The following KLF15 variants were observed in gnomAD, a reference collection of about 807,000 sequenced individuals.
KLF15 encodes the protein KLF transcription factor 15.
A neutral mutation model predicts 24.6 loss-of-function variants in KLF15; 4 were observed. That is an observed-to-expected ratio of 0.16 (90% CI 0.08 to 0.37). The LOEUF is 0.37. Ranked by LOEUF, KLF15 falls within the 10% of genes least tolerant of loss-of-function variation. KLF15 has a pLI of 1.00. For missense variants in KLF15, 496 were observed against 560.6 expected, an observed-to-expected ratio of 0.88 and a Z score of 1.16; for synonymous variants, 246 against 236.3, an observed-to-expected ratio of 1.04 and a Z score of -0.37.
chr3:126,313,069 T>G, the KLF15 span, among the ~76,000 whole-genome samples: 1 of 152,202 alleles, frequency 6.6e-6, no homozygotes, highest in Non-Finnish European at 1.5e-5. Context: ...GAATTAGGCC[T>G]TTAAACAGGC....
chr3:126,293,142 T>G, the KLF15 span, among the ~76,000 whole-genome samples: 2 of 87,294 alleles, frequency 2.3e-5, no homozygotes, highest in African/African-American at 4.4e-5. Flanking sequence ...AGACTGCATC[T>G]CTAAAAAAAA....
the KLF15 span, chr3:126,293,971 C>T: frequency 1.3e-5 from 2 of 152,342 alleles, no homozygotes; most frequent in Non-Finnish European, 2.9e-5. Context: ...CAGTGCCCTC[C>T]TCTGTTCCCA....
chr3:126,343,701 C>T lies in KLF15; in HGVS notation c.*26G>A, dbSNP rs1161456892. ...GGGATGGGGTGGGGATCCGGGGTGA[C>T]GGACAGGCTGGGGTTCAGGGCGCTT... On this transcript the variant is annotated 3_prime_UTR_variant, in exon 3 of 3. Coordinates refer to ENST00000296233, the MANE Select transcript of KLF15 (RefSeq NM_014079.4). The T allele has an allele frequency of 2.5e-6, 4 of 1,596,644 alleles. No homozygotes were observed. Among genetic ancestry groups the T allele is most frequent in the Non-Finnish European group, 3.4e-6 (4 of 1,174,190 alleles).
the KLF15 span, among the ~76,000 whole-genome samples, chr3:126,323,268 T>C: frequency 2.1e-4 from 31 of 148,984 alleles, no homozygotes; most frequent in African/African-American, 7.6e-4. Flanking sequence ...TCTCCATACA[T>C]GTTACATACA....
the KLF15 span, among the ~76,000 whole-genome samples, chr3:126,303,107 C>T: frequency 1.3e-5 from 2 of 152,166 alleles, no homozygotes; most frequent in Admixed American, 6.5e-5. Flanking sequence ...TGATATTATG[C>T]CCCTTTATTT....
chr3:126,356,797 GC>G lies in KLF15; in HGVS notation c.-26+439del, dbSNP rs562438682. On this transcript the variant is annotated intron_variant, in intron 1 of 2. Coordinates refer to ENST00000296233, the MANE Select transcript of KLF15 (RefSeq NM_014079.4). The surrounding 1 kb of genome is among the most constrained non-coding windows in gnomAD (Gnocchi z 4.4). ...GCTGGGCACCATGCCCTCGTCCCAC[GC>G]CCCCCCCTTGCCCCCGACACTGCTG... Among the ~76,000 whole-genome samples, 17 of 150,380 alleles carry G rather than the reference GC, an allele frequency of 1.1e-4. No individual in the cohort carries two copies. The highest frequency in any genetic ancestry group is 1.7e-4 in the African/African-American group (7 of 40,906).
the KLF15 span, among the ~76,000 whole-genome samples, chr3:126,304,780 T>C: frequency 6.6e-6 from 1 of 152,232 alleles, no homozygotes; most frequent in Non-Finnish European, 1.5e-5. Flanking sequence ...GAAACGGAAA[T>C]CTGAGAAATG....
the KLF15 span, among the ~76,000 whole-genome samples, chr3:126,314,093 G>C: frequency 2.0e-4 from 31 of 152,214 alleles, no homozygotes; most frequent in Non-Finnish European, 3.5e-4. Context: ...ACAAAAGCTT[G>C]CTGAGCCCTG....
At chr3:126,323,446 GTTATATATA>G in the KLF15 span, among the ~76,000 whole-genome samples, 1 of 47,048 alleles carries the variant, frequency 2.1e-5, no homozygotes, top group Non-Finnish European at 3.8e-5. Context: ...ACATATATAT[GTTATATATA>G]TATATAACAT....
the KLF15 span, among the ~76,000 whole-genome samples, chr3:126,306,753 G>A: frequency 1.3e-5 from 2 of 152,250 alleles, no homozygotes; most frequent in Non-Finnish European, 2.9e-5. Flanking sequence ...TGTCTGCACT[G>A]CAGAATGACA....
Position 126,343,741 on chromosome 3 carries a change from G to C in KLF15, c.1237C>G (p.Arg413Gly). Reference sequence around the variant, plus strand: ...TCAGGGCGCTTTCAGTTCACGGAGCGCACGGAGCGGCTGCTCCGCGGGAAG... The same window carrying C: ...TCAGGGCGCTTTCAGTTCACGGAGCCCACGGAGCGGCTGCTCCGCGGGAAG... ...HRFPRSSRSV[R>G]SVN Residue 413 changes from arginine to glycine, a missense_variant, in exon 3 of 3, where the codon CGC becomes GGC. Physicochemically the swap from Arg to Gly is moderately radical, Grantham distance 125. Around this residue, in one of 3 missense-constraint regions of KLF15, gnomAD observed 38 missense variants for 31.5 expected, o/e 1.21. Coordinates refer to ENST00000296233, the MANE Select transcript of KLF15 (RefSeq NM_014079.4). 1 of 1,611,470 alleles carries C rather than the reference G, an allele frequency of 6.2e-7. No individual in the cohort carries two copies.
At chr3:126,338,318 C>G (rs1313307061), downstream of KLF15, among the ~76,000 whole-genome samples, 1 of 152,212 alleles carries the variant, frequency 6.6e-6, no homozygotes, top group East Asian at 1.9e-4. Flanking sequence ...GTCAGCATGA[C>G]CGTCCACGCC....
chr3:126,290,024 CGACTCTTCACACAAGA>C, the KLF15 span, among the ~76,000 whole-genome samples: 1 of 152,116 alleles, frequency 6.6e-6, no homozygotes, highest in Admixed American at 6.5e-5. Context: ...CTCAGTAACT[CGACTCTTCACACAAGA>C]TAAGGTGAAT....
chr3:126,327,360 G>C, the KLF15 span, among the ~76,000 whole-genome samples: 993 of 152,296 alleles, frequency 6.5e-3, 7 homozygotes, highest in Middle Eastern at 0.027. Context: ...CTCCTGAACA[G>C]AGGCAGGACA....
chr3:126,297,942 T>C, the KLF15 span, among the ~76,000 whole-genome samples: 1 of 152,224 alleles, frequency 6.6e-6, no homozygotes, highest in Non-Finnish European at 1.5e-5. Flanking sequence ...TATAATGGCT[T>C]CTTTTCCTCT....
Position 126,351,848 on chromosome 3 carries a change from C to A in KLF15, c.1075G>T (p.Gly359Cys), listed in dbSNP as rs557895851. ...GTCACTCGCTATACTGACCTCCAGC[C>A]GCAGCCTGGCCAGGTGCAGGCGAAG... ...KPFACTWPGC[G>C]WRFSRSDELS... Residue 359 changes from glycine to cysteine, a missense_variant, in exon 2 of 3, where the codon GGC becomes TGC. Transcript: ENST00000296233. The A allele has an allele frequency of 6.2e-7, 1 of 1,612,476 alleles. No homozygotes were observed. Among genetic ancestry groups the A allele is most frequent in the Non-Finnish European group, 8.5e-7 (1 of 1,179,338 alleles).
At chr3:126,300,714 C>T in the KLF15 span, among the ~76,000 whole-genome samples, 1 of 152,216 alleles carries the variant, frequency 6.6e-6, no homozygotes, top group Non-Finnish European at 1.5e-5. Flanking sequence ...CTCCACAGAC[C>T]CTGAGCAGCG....
At chr3:126,296,352 C>T in the KLF15 span, among the ~76,000 whole-genome samples, 3 of 152,132 alleles carry the variant, frequency 2.0e-5, no homozygotes, top group African/African-American at 7.2e-5. Flanking sequence ...GGACTACAGG[C>T]GCCCACCACC....
At position 126,348,109 on chromosome 3, in the gene KLF15, C is replaced by T. The variant is rs533631246; in HGVS notation, c.1082+3732G>A. Among the ~76,000 whole-genome samples the T allele has an allele frequency of 1.8e-4, 27 of 152,254 alleles. No individual in the cohort carries two copies. The South Asian group carries it at 4.8e-3, about 27-fold the overall frequency. ...CAACACCAGAGTTAGCACCCAACAC[C>T]GGGGTGCAGAGGGAGGTCCCTGATT... On this transcript the variant is annotated intron_variant, in intron 2 of 2. Coordinates refer to ENST00000296233, the MANE Select transcript of KLF15 (RefSeq NM_014079.4).
Sources: allele counts gnomAD v4.1 joint callset (sites outside exome capture counted in the v4.1 genomes callset), GRCh38; gene constraint gnomAD v4.1.1; regional missense constraint gnomAD v4.1.1; non-coding constraint Gnocchi (gnomAD v3.1); transcripts MANE v1.5; gene names NCBI Gene and HGNC (gene_info 2026-07-23, HGNC 2026-07-21).